SPTAN1: variants seen among roughly 807,000 people sequenced by gnomAD.
The protein encoded by SPTAN1 is spectrin alpha, non-erythrocytic 1.
SPTAN1 carries 61 observed loss-of-function variants against 331.3 expected under a neutral mutation model. The observed-to-expected ratio is 0.18, with a 90% confidence interval of 0.15 to 0.23. SPTAN1 has a LOEUF of 0.23. SPTAN1 is among the 10% of genes least tolerant of loss of function. The probability of loss-of-function intolerance (pLI) is 1.00; values close to 1 mark genes in which losing one functional copy is unlikely to be tolerated. For synonymous variants in SPTAN1, 1,153 were observed against 1,173.9 expected (o/e 0.98, Z 0.36); for missense variants, 2,043 against 3,147.9 (o/e 0.65, Z 8.40).
chr9:128,597,189 C>G (rs1466990596), intron 24 of SPTAN1, among the ~76,000 whole-genome samples: 1 of 151,966 alleles, frequency 6.6e-6, no homozygotes, highest in Non-Finnish European at 1.5e-5. Flanking sequence ...AAAAATTTTT[C>G]TGTAGAGATA....
intron 40 of SPTAN1, among the ~76,000 whole-genome samples, chr9:128,615,389 G>C (rs1857039441): frequency 6.6e-6 from 1 of 152,074 alleles, no homozygotes; most frequent in Admixed American, 6.6e-5. Flanking sequence ...TTGAGCTAAA[G>C]CACCAGCATG....
chr9:128,618,192 G>A, intron 43 of SPTAN1, 84 bp downstream of exon 43: 2 of 1,587,318 alleles, frequency 1.3e-6, no homozygotes, highest in Non-Finnish European at 8.6e-7. Flanking sequence ...GGGTCCAGTG[G>A]GCCCTCCTAC....
intron 52 of SPTAN1, chr9:128,631,431 CCTGGGT>C (rs1241754563): frequency 6.6e-6 from 1 of 152,328 alleles, no homozygotes; most frequent in Non-Finnish European, 1.5e-5. Flanking sequence ...TGCACTCCAG[CCTGGGT>C]GACAAGAGCA....
At chr9:128,560,994 C>CTGT (rs1313233316) in intron 1 of SPTAN1, among the ~76,000 whole-genome samples, 1 of 93,696 alleles carries the variant, frequency 1.1e-5, no homozygotes, top group Non-Finnish European at 1.9e-5. Context: ...CCAGCCTGGG[C>CTGT]AACAGAGCAA....
chr9:128,586,231 G>A (rs1191953396), intron 19 of SPTAN1, among the ~76,000 whole-genome samples: 1 of 143,670 alleles, frequency 7.0e-6, no homozygotes, highest in African/African-American at 2.6e-5. Flanking sequence ...CGATCCTCCT[G>A]CCTCAGCCTC....
Position 128,593,747 on chromosome 9 carries a change from T to G in SPTAN1, c.3216-428T>G, listed in dbSNP as rs1853846064. On this transcript the variant is annotated intron_variant, in intron 23 of 56. Coordinates refer to ENST00000372739, the MANE Select transcript of SPTAN1 (RefSeq NM_001130438.3). ...AAAGCTCAGTGTACCCTCCCCCACC[T>G]CACCCCAGCCTGGGGGCTCTTCAGA... 1.6e-5 allele frequency: 4 copies of G among 247,982 alleles called. No individual in the cohort carries two copies. In the East Asian group the frequency reaches 2.7e-4, roughly 17 times the overall value. The allele number at this position is 247,982 out of a possible 1,614,324, so 15.4% of individuals were successfully genotyped here. A position where few individuals can be genotyped will look rare whatever the true frequency, so the allele number is the denominator to read the frequency against.
intron 51 of SPTAN1, 157 bp downstream of exon 51, chr9:128,628,099 T>C (rs1232232743): frequency 2.1e-6 from 2 of 951,136 alleles, no homozygotes; most frequent in Admixed American, 1.7e-5. Flanking sequence ...ATGAGGAGTG[T>C]GTGCCTTGCC....
intron 1 of SPTAN1, among the ~76,000 whole-genome samples, chr9:128,563,868 G>C (rs1849695738): frequency 6.6e-6 from 1 of 151,874 alleles, no homozygotes; most frequent in Admixed American, 6.6e-5. Flanking sequence ...GAACTTCTGG[G>C]CTCAAGCAAT....
chr9:128,575,844 C>T (rs546389394), intron 5 of SPTAN1, among the ~76,000 whole-genome samples: 22 of 152,178 alleles, frequency 1.4e-4, no homozygotes, highest in Non-Finnish European at 2.6e-4. Flanking sequence ...CCAGTGCCCA[C>T]GTGTACAATC....
At chr9:128,630,018 CTGCACCCA>C (rs1859437379) in intron 51 of SPTAN1, 5 of 505,298 alleles carry the variant, frequency 9.9e-6, no homozygotes, top group African/African-American at 1.9e-5. Context: ...TGCAGCCACC[CTGCACCCA>C]TGGGGGAATT....
Position 128,609,259 on chromosome 9 carries a change from C to T in SPTAN1, c.4733C>T (p.Ser1578Leu), listed in dbSNP as rs756887707. The T allele has an allele frequency of 1.9e-6, 3 of 1,614,182 alleles. No homozygotes were observed. Among genetic ancestry groups the T allele is most frequent in the Non-Finnish European group, 2.5e-6 (3 of 1,180,052 alleles). The change falls in exon 36 of 57, where the codon TCG becomes TTG. Residue 1578 changes from serine (S) to leucine (L), a missense_variant. Ser to Leu is a moderately radical substitution (Grantham distance 145). Coordinates refer to ENST00000372739, the MANE Select transcript of SPTAN1 (RefSeq NM_001130438.3). ...SEKLQTASDE[S>L]YKDPTNIQLS... is the part of the protein sequence containing the mutation. Reference sequence around the variant, plus strand: ...AAATTGCAAACAGCGAGTGATGAGTCGTACAAGGATCCCACCAACATCCAG... The same window carrying T: ...AAATTGCAAACAGCGAGTGATGAGTTGTACAAGGATCCCACCAACATCCAG...
rs1447794105 is a variant in SPTAN1 at position 128,605,039 on chromosome 9, C to G, written c.3725C>G (p.Ala1242Gly). ...TGAATGTGTCTCGCCTTTAGAGATG[C>G]TGATGAAACCAAAGAATGGATTGAA... Reference protein sequence around the residue: ...AHEVQRFHRDADETKEWIEEK... With the variant: ...AHEVQRFHRDGDETKEWIEEK... Residue 1242 changes from alanine (A) to glycine (G), a missense_variant, in exon 30 of 57, where the codon GCT (alanine) becomes GGT (glycine). Physicochemically the swap from Ala to Gly is moderately conservative, Grantham distance 60 (BLOSUM62 0). This residue lies in a region of SPTAN1 where 42 missense variants were observed against 106.0 expected (regional missense o/e 0.40). Transcript: ENST00000372739. 3 of 1,614,046 alleles carry G rather than the reference C, an allele frequency of 1.9e-6. No individual in the cohort carries two copies.
chr9:128,581,655 A>G lies in SPTAN1; in HGVS notation c.1462-127A>G, dbSNP rs1279113996. 3.8e-6 allele frequency: 3 copies of G among 780,934 alleles called. No individual in the cohort carries two copies. In the African/African-American group the frequency reaches 5.1e-5, roughly 13 times the overall value. The allele number at this position is 780,934 out of a possible 1,614,324, so 48.4% of individuals were successfully genotyped here. ...CTTTAGACTTCCTAGAAGAGATCTTAGAAGTTTAGCAGCCATAAAATCTCT... is the reference window on the plus strand; with the variant it reads ...CTTTAGACTTCCTAGAAGAGATCTTGGAAGTTTAGCAGCCATAAAATCTCT... On this transcript the variant is annotated intron_variant, in intron 11 of 56. Transcript: ENST00000372739.
At position 128,627,640 on chromosome 9, in the gene SPTAN1, G is replaced by T. The variant is rs1589394190; in HGVS notation, c.6689+142G>T. On this transcript the variant is annotated intron_variant, in intron 50 of 56. Transcript: ENST00000372739. This position sits in a 1 kb window ranked among gnomAD's most constrained non-coding sequence, Gnocchi z 4.9. The stretch of plus-strand genomic sequence containing the variant: ...AATAAAGCTGGGCTGGCAACGCCTG[G>T]TCGGGCTCTGGAGCCGGGAGTGGGG... 2 of 905,854 alleles carry T rather than the reference G, an allele frequency of 2.2e-6. No homozygotes were observed. Among genetic ancestry groups the T allele is most frequent in the East Asian group, 2.5e-5 (1 of 39,226 alleles). 56.1% of individuals were successfully genotyped at this position (905,854 alleles called of 1,614,324 possible). A position where few individuals can be genotyped will look rare whatever the true frequency, so the allele number is the denominator to read the frequency against.
chr9:128,590,441 C>T (rs1480355249), intron 21 of SPTAN1, among the ~76,000 whole-genome samples: 1 of 151,386 alleles, frequency 6.6e-6, no homozygotes, highest in Non-Finnish European at 1.5e-5. Context: ...TGGTGGCTCA[C>T]GCCTGTAGTC....
intron 1 of SPTAN1, among the ~76,000 whole-genome samples, chr9:128,564,506 C>T (rs552288164): frequency 6.6e-6 from 1 of 151,972 alleles, no homozygotes; most frequent in East Asian, 1.9e-4. Flanking sequence ...TCACTTGAAC[C>T]AGGGAGGTCG....
At chr9:128,587,737 C>T (rs759411880) in intron 20 of SPTAN1, 39 bp downstream of exon 20, 1 of 1,572,012 alleles carries the variant, frequency 6.4e-7, no homozygotes, top group African/African-American at 1.3e-5. Context: ...GGAGGGAGGC[C>T]TTGAAGGACT....
intron 25 of SPTAN1, 45 bp from the exon 26 acceptor site, chr9:128,598,918 T>A: frequency 6.4e-7 from 1 of 1,563,970 alleles, no homozygotes; most frequent in Non-Finnish European, 8.8e-7. Context: ...TTGAGAGATG[T>A]GTATTTCTTC....
rs1856061068 is a variant in SPTAN1, at chr9:128,607,641, G to A, written c.4084G>A (p.Val1362Met). Residue 1362 changes from valine (V) to methionine (M), a missense_variant, in exon 32 of 57, where the codon GTG becomes ATG. Val to Met is a conservative substitution (Grantham distance 21, BLOSUM62 1). This residue lies in a region of SPTAN1 where 179 missense variants were observed against 215.7 expected (regional missense o/e 0.83). Transcript: ENST00000372739. Reference sequence around the variant, plus strand: ...TTGGATCAATGGAATACGGGGGTTGGTGTCCTCAGATGAGCTAGCCAAGGA... The same window carrying A: ...TTGGATCAATGGAATACGGGGGTTGATGTCCTCAGATGAGCTAGCCAAGGA... ...MSWINGIRGL[V>M]SSDELAKDVT... is the part of the protein sequence containing the mutation. 1.9e-6 allele frequency: 3 copies of A among 1,613,936 alleles called. No homozygotes were observed. The highest frequency in any genetic ancestry group is 1.7e-5 in the Admixed American group (1 of 59,982).
Sources: gnomAD v4.1 joint callset for allele counts (sites outside exome capture counted in the v4.1 genomes callset) on GRCh38, gnomAD v4.1.1 for gene constraint, gnomAD v4.1.1 regional missense constraint, Gnocchi (gnomAD v3.1) non-coding constraint, MANE v1.5 for transcripts, NCBI Gene and HGNC (gene_info 2026-07-23, HGNC 2026-07-21) for gene names.